ALK: variants seen among roughly 807,000 people sequenced by gnomAD.
ALK encodes ALK tyrosine kinase receptor.
ALK carries 74 observed loss-of-function variants against 163.1 expected under a neutral mutation model. The observed-to-expected ratio is 0.45, with a 90% CI of 0.38 to 0.55. The LOEUF (loss-of-function observed/expected upper bound fraction) is 0.55, where lower values mean the gene tolerates loss of function less well. Among genes scored for constraint, ALK ranks in the 20% least tolerant of loss-of-function variants. The pLI is 0.00. For synonymous variants in ALK, 960 were observed against 843.2 expected, an observed-to-expected ratio of 1.14 and a Z score of -2.40; for missense variants, 2,063 against 2,105.3, an observed-to-expected ratio of 0.98 and a Z score of 0.39.
intron 3 of ALK, among the ~76,000 whole-genome samples, chr2:29,578,904 T>C (rs1674599383): frequency 6.6e-6 from 1 of 152,162 alleles, no homozygotes; most frequent in Admixed American, 6.5e-5. Flanking sequence ...CTTCAGACAA[T>C]CTGAGCACTG....
chr2:29,842,794 G>A (rs1244844885), intron 1 of ALK, among the ~76,000 whole-genome samples: 3 of 152,204 alleles, frequency 2.0e-5, no homozygotes, highest in Non-Finnish European at 4.4e-5. Context: ...AGCTCCTGGG[G>A]CTGCGCAAAC....
At chr2:29,559,442 C>T (rs995586942) in intron 3 of ALK, among the ~76,000 whole-genome samples, 3 of 152,194 alleles carry the variant, frequency 2.0e-5, no homozygotes, top group Non-Finnish European at 4.4e-5. Flanking sequence ...TAATAGAGAA[C>T]TCCAGAATTA....
At chr2:29,723,894 AG>A (rs1009110829) in intron 1 of ALK, among the ~76,000 whole-genome samples, 10 of 152,246 alleles carry the variant, frequency 6.6e-5, no homozygotes, top group Non-Finnish European at 1.3e-4. Context: ...AAGTGCTCCC[AG>A]AGAGCTGCTT....
chr2:29,738,280 G>C (rs1332292355), intron 1 of ALK, among the ~76,000 whole-genome samples: 2 of 152,046 alleles, frequency 1.3e-5, no homozygotes, highest in African/African-American at 4.8e-5. Flanking sequence ...AATGGAAAGA[G>C]AAGGACCAAA....
chr2:29,564,448 C>G (rs1454658729), intron 3 of ALK, among the ~76,000 whole-genome samples: 18 of 35,480 alleles, frequency 5.1e-4, no homozygotes, highest in Non-Finnish European at 2.5e-4. Flanking sequence ...ACCACCCCCA[C>G]CGCCACCCTT....
At chr2:29,543,620 A>G (rs1397167007) in intron 3 of ALK, among the ~76,000 whole-genome samples, 2 of 152,224 alleles carry the variant, frequency 1.3e-5, no homozygotes, top group Non-Finnish European at 2.9e-5. Flanking sequence ...ATCTGGGTTA[A>G]CCATAGAGAA....
In ALK at chr2:29,850,599, G is replaced by A. The variant is rs190267040; in HGVS notation, c.667+69394C>T. ...TCCCTTGCATGAGGCCTCCCAAAAG[G>A]GACCTTGGCCACAACCTCAAGGATA... is the stretch of plus-strand genomic sequence containing the variant. On this transcript the variant is annotated intron_variant, in intron 1 of 28. Transcript: ENST00000389048. Among the ~76,000 whole-genome samples, 8 of 152,192 alleles carry A rather than the reference G, an allele frequency of 5.3e-5. No individual in the cohort carries two copies. The East Asian group carries it at 1.6e-3, about 30-fold the overall frequency.
chr2:29,747,926 T>C (rs1479477346), intron 1 of ALK, among the ~76,000 whole-genome samples: 1 of 152,154 alleles, frequency 6.6e-6, no homozygotes, highest in Non-Finnish European at 1.5e-5. Context: ...TAAAGGACAG[T>C]GGGCAGACCT....
intron 4 of ALK, among the ~76,000 whole-genome samples, chr2:29,400,958 A>T (rs1202896129): frequency 6.6e-6 from 1 of 151,822 alleles, no homozygotes; most frequent in Admixed American, 6.6e-5. Context: ...CTGGGCAAAC[A>T]GAGTGAGACT....
intron 4 of ALK, among the ~76,000 whole-genome samples, chr2:29,426,853 C>T (rs1431264644): frequency 6.6e-6 from 1 of 151,750 alleles, no homozygotes; most frequent in African/African-American, 2.4e-5. Context: ...TACTGGCCAA[C>T]ATGGTAAAAC....
At chr2:29,281,057 C>A (rs569133705) in intron 9 of ALK, among the ~76,000 whole-genome samples, 12 of 150,952 alleles carry the variant, frequency 7.9e-5, no homozygotes, top group African/African-American at 2.4e-4. Context: ...CACTGTGGGA[C>A]TGAGGAAAAG....
At chr2:29,207,010 A>G (rs1456508454) in intron 26 of ALK, among the ~76,000 whole-genome samples, 161 bp downstream of exon 26, 1 of 152,308 alleles carries the variant, frequency 6.6e-6, no homozygotes, top group Admixed American at 6.5e-5. Context: ...ATGAATTCTG[A>G]TAGATGCTCA....
chr2:29,690,879 A>C (rs189412639), intron 3 of ALK, among the ~76,000 whole-genome samples: 1 of 152,312 alleles, frequency 6.6e-6, no homozygotes, highest in East Asian at 1.9e-4. Flanking sequence ...GTTAGAAAAC[A>C]AACTAGTGAC....
At chr2:29,248,107 C>T (rs947095857) in intron 12 of ALK, among the ~76,000 whole-genome samples, 27 of 152,090 alleles carry the variant, frequency 1.8e-4, no homozygotes, top group Non-Finnish European at 3.4e-4. Flanking sequence ...TGAGTCTCTT[C>T]CAAGGCCAAG....
intron 4 of ALK, among the ~76,000 whole-genome samples, chr2:29,481,642 A>G (rs1324260389): frequency 6.6e-6 from 1 of 152,210 alleles, no homozygotes; most frequent in African/African-American, 2.4e-5. Flanking sequence ...TGAACACATC[A>G]TCACTAAAGT....
At chr2:29,698,853 T>C (rs1258497224) in intron 2 of ALK, among the ~76,000 whole-genome samples, 2 of 152,240 alleles carry the variant, frequency 1.3e-5, no homozygotes, top group Non-Finnish European at 2.9e-5. Flanking sequence ...TAAATAGGAA[T>C]GGAGTTAATA....
At chr2:29,199,274 C>CT (rs1173239071) in intron 26 of ALK, among the ~76,000 whole-genome samples, 1 of 152,124 alleles carries the variant, frequency 6.6e-6, no homozygotes, top group East Asian at 1.9e-4. Context: ...TCTAATGCTA[C>CT]TTTTTAGCAT....
intron 1 of ALK, among the ~76,000 whole-genome samples, chr2:29,878,398 C>G (rs1398852428): frequency 1.3e-5 from 2 of 152,184 alleles, no homozygotes; most frequent in Non-Finnish European, 2.9e-5. Flanking sequence ...TCACAACATT[C>G]CTGCAGTCAT....
At chr2:29,664,148 T>C (rs1234224654) in intron 3 of ALK, among the ~76,000 whole-genome samples, 1 of 152,148 alleles carries the variant, frequency 6.6e-6, no homozygotes, top group South Asian at 2.1e-4. Flanking sequence ...CCAGGAGAGA[T>C]GATCTTAGCC....
Sources: gnomAD v4.1 joint callset for allele counts (sites outside exome capture counted in the v4.1 genomes callset) on GRCh38, gnomAD v4.1.1 for gene constraint, MANE v1.5 for transcripts, NCBI Gene and HGNC (gene_info 2026-07-23, HGNC 2026-07-21) for gene names.